IL1RL1: variants seen among roughly 807,000 people sequenced by gnomAD.
The protein encoded by IL1RL1 is interleukin 1 receptor like 1, also known as interleukin-1 receptor-like 1.
In IL1RL1, 32 loss-of-function variants were observed where a neutral mutation model predicts 50.9. That is an observed-to-expected ratio of 0.63 (90% CI 0.47 to 0.84). IL1RL1 has a LOEUF of 0.84. Ranked by LOEUF, IL1RL1 falls within the 40% of genes least tolerant of loss-of-function variation. The probability of loss-of-function intolerance (pLI) is 0.00; values close to 1 mark genes in which losing one functional copy is unlikely to be tolerated. For synonymous variants in IL1RL1, 275 were observed against 236.0 expected, an observed-to-expected ratio of 1.17 and a Z score of -1.51; for missense variants, 773 against 662.9, an observed-to-expected ratio of 1.17 and a Z score of -1.82.
intron 1 of IL1RL1, among the ~76,000 whole-genome samples, chr2:102,332,141 T>C (rs1677194525): frequency 6.6e-6 from 1 of 152,160 alleles, no homozygotes; most frequent in Non-Finnish European, 1.5e-5. Flanking sequence ...GCACATGAGC[T>C]ATATCAATAG....
intron 1 of IL1RL1, among the ~76,000 whole-genome samples, chr2:102,327,745 G>C (rs1176329750): frequency 6.6e-6 from 1 of 152,140 alleles, no homozygotes; most frequent in African/African-American, 2.4e-5. Context: ...AAATAAACTA[G>C]AAAATCTACA....
rs1677950735 is a variant in IL1RL1 at position 102,351,981 on chromosome 2, G to T, written c.*60G>T. On this transcript the variant is annotated 3_prime_UTR_variant, in exon 11 of 11. Coordinates refer to ENST00000233954, the MANE Select transcript of IL1RL1 (RefSeq NM_016232.5). ...AAGCTTTCCTGACTTCTCCTAGCTG[G>T]CTTATGCCCCTGCACTGAAGTGTGA... is the stretch of plus-strand genomic sequence containing the variant. 1 of 1,498,626 alleles carries T rather than the reference G, an allele frequency of 6.7e-7. No homozygotes were observed. Among genetic ancestry groups the T allele is most frequent in the Admixed American group, 1.9e-5 (1 of 51,334 alleles). 92.8% of individuals were successfully genotyped at this position (1,498,626 alleles called of 1,614,324 possible).
At chr2:102,320,539 G>T (rs140501173) in intron 1 of IL1RL1, among the ~76,000 whole-genome samples, 1 of 152,198 alleles carries the variant, frequency 6.6e-6, no homozygotes, top group East Asian at 1.9e-4. Context: ...TCCTACTGAT[G>T]GGTTCACATC....
Position 102,338,968 on chromosome 2 carries a change from G to A in IL1RL1, c.193G>A (p.Val65Met), listed in dbSNP as rs1426435471. Reference protein sequence around the residue: ...KSIPTQERNRVFASGQLLKFL... With the variant: ...KSIPTQERNRMFASGQLLKFL... ...TATTCCCACTCAGGAAAGAAATCGTGTGTTTGCCTCAGGCCAACTTCTGAA... is the reference window on the plus strand; with the variant it reads ...TATTCCCACTCAGGAAAGAAATCGTATGTTTGCCTCAGGCCAACTTCTGAA... The change falls in exon 3 of 11, where the codon GTG (valine) becomes ATG (methionine). Residue 65 changes from valine (V) to methionine (M), a missense_variant. Physicochemically the swap from Val to Met is conservative, Grantham distance 21. Coordinates refer to ENST00000233954, the MANE Select transcript of IL1RL1 (RefSeq NM_016232.5). 1.2e-6 allele frequency: 2 copies of A among 1,613,994 alleles called. No individual in the cohort carries two copies. Among genetic ancestry groups the A allele is most frequent in the Non-Finnish European group, 1.7e-6 (2 of 1,179,912 alleles).
chr2:102,338,348 A>T, intron 2 of IL1RL1, 23 bp downstream of exon 2: 1 of 1,354,660 alleles, frequency 7.4e-7, no homozygotes, highest in Non-Finnish European at 1.0e-6. Flanking sequence ...TTCTAAGTAT[A>T]ATTTAAATTT....
intron 1 of IL1RL1, among the ~76,000 whole-genome samples, chr2:102,318,936 A>G (rs546058336): frequency 3.3e-5 from 5 of 152,356 alleles, no homozygotes; most frequent in African/African-American, 9.6e-5. Context: ...AAGTAATGCA[A>G]TGTTTCCAAA....
At chr2:102,328,559 T>C (rs1311344543) in intron 1 of IL1RL1, among the ~76,000 whole-genome samples, 1 of 152,182 alleles carries the variant, frequency 6.6e-6, no homozygotes, top group Non-Finnish European at 1.5e-5. Flanking sequence ...AAAGAGGAAG[T>C]CAAATTGTCC....
At chr2:102,326,515 A>T (rs1271343736) in intron 1 of IL1RL1, among the ~76,000 whole-genome samples, 2 of 152,186 alleles carry the variant, frequency 1.3e-5, no homozygotes, top group African/African-American at 4.8e-5. Context: ...TTAACCTTAA[A>T]TGTAAATGGG....
intron 5 of IL1RL1, chr2:102,341,277 G>T (rs1677552736): frequency 1.8e-5 from 23 of 1,253,374 alleles, no homozygotes; most frequent in Non-Finnish European, 2.3e-5. Context: ...CTTTGTGATG[G>T]TATACTATGG....
At chr2:102,324,576 A>T (rs560677730) in intron 1 of IL1RL1, among the ~76,000 whole-genome samples, 1 of 152,312 alleles carries the variant, frequency 6.6e-6, no homozygotes, top group South Asian at 2.1e-4. Context: ...AGGAAGTGCA[A>T]GGGGTCAGGG....
At chr2:102,346,143 G>A (rs747315788) in intron 8 of IL1RL1, 10 of 839,888 alleles carry the variant, frequency 1.2e-5, no homozygotes, top group Non-Finnish European at 1.4e-5. Context: ...TGAAATTATA[G>A]CATTTCTTGA....
chr2:102,334,589 A>AG (rs1325368942), intron 1 of IL1RL1, among the ~76,000 whole-genome samples: 21 of 142,558 alleles, frequency 1.5e-4, no homozygotes, highest in Admixed American at 1.3e-3. Context: ...TAGTGAAATG[A>AG]GGGGAAAAAA....
chr2:102,333,429 G>A (rs965755301), intron 1 of IL1RL1, among the ~76,000 whole-genome samples: 3 of 152,176 alleles, frequency 2.0e-5, no homozygotes, highest in African/African-American at 7.2e-5. Context: ...CCAACATTCA[G>A]CATGGAGTTG....
At chr2:102,341,659 G>A (rs1156839119) in intron 5 of IL1RL1, among the ~76,000 whole-genome samples, 1 of 152,096 alleles carries the variant, frequency 6.6e-6, no homozygotes, top group Admixed American at 6.5e-5. Context: ...CCTTACAGTG[G>A]TCCTTAATCA....
At chr2:102,337,627 G>C (rs764105310) in intron 1 of IL1RL1, among the ~76,000 whole-genome samples, 6 of 152,104 alleles carry the variant, frequency 3.9e-5, no homozygotes, top group Non-Finnish European at 8.8e-5. Flanking sequence ...ACAATTACTT[G>C]GCTAATGCTT....
At chr2:102,344,964 G>T (rs1677726557) in intron 8 of IL1RL1, 2 of 951,674 alleles carry the variant, frequency 2.1e-6, no homozygotes, top group Non-Finnish European at 2.5e-6. Flanking sequence ...AATCTTTATT[G>T]GGTTAATTTC....
At position 102,345,139 on chromosome 2, in the gene IL1RL1, A is replaced by G. The variant is rs558427740; in HGVS notation, c.970+1724A>G. ...TTTCAAAACAGTGATAAAGCTGTCT[A>G]CAAGTCATTGTGCTTTTTATCATCA... On this transcript the variant is annotated intron_variant, in intron 8 of 10. Coordinates refer to ENST00000233954, the MANE Select transcript of IL1RL1 (RefSeq NM_016232.5). The G allele has an allele frequency of 3.4e-4, 304 of 885,614 alleles. 1 individual carries two copies. The African/African-American group carries it at 5.3e-3, about 15-fold the overall frequency. 54.9% of individuals were successfully genotyped at this position (885,614 alleles called of 1,614,324 possible). A position where few individuals can be genotyped will look rare whatever the true frequency, so the allele number is the denominator to read the frequency against.
At chr2:102,333,684 T>C (rs1677233532) in intron 1 of IL1RL1, among the ~76,000 whole-genome samples, 1 of 152,198 alleles carries the variant, frequency 6.6e-6, no homozygotes, top group African/African-American at 2.4e-5. Flanking sequence ...GGACTGGTCT[T>C]ACCCAAATTG....
chr2:102,326,620 G>T (rs141870368), intron 1 of IL1RL1, among the ~76,000 whole-genome samples: 2 of 152,026 alleles, frequency 1.3e-5, no homozygotes, highest in Non-Finnish European at 2.9e-5. Context: ...CTCACATGCC[G>T]GGACACACAT....
Sources: allele counts gnomAD v4.1 joint callset (sites outside exome capture counted in the v4.1 genomes callset), GRCh38; gene constraint gnomAD v4.1.1; transcripts MANE v1.5; gene names NCBI Gene and HGNC (gene_info 2026-07-23, HGNC 2026-07-21).